Variants in ZNF385D observed in about 807,000 individuals in gnomAD.
ZNF385D encodes the protein zinc finger protein 659.
Under a neutral mutation model 35.8 loss-of-function variants are expected in ZNF385D, and 15 were observed. The observed-to-expected ratio is 0.42, with a 90% CI of 0.28 to 0.64. The LOEUF (loss-of-function observed/expected upper bound fraction) is 0.64. ZNF385D is among the 30% of genes least tolerant of loss of function. The pLI is 0.23. For missense variants in ZNF385D, 474 were observed against 494.6 expected (o/e 0.96, Z 0.39); for synonymous variants, 212 against 186.8 (o/e 1.13, Z -1.10).
At chr3:21,817,450 T>C (rs1329208670) in intron 3 of ZNF385D, among the ~76,000 whole-genome samples, 1 of 152,132 alleles carries the variant, frequency 6.6e-6, no homozygotes, top group Non-Finnish European at 1.5e-5. Flanking sequence ...AAAGGGCTAA[T>C]ATCCAGAATC....
chr3:22,105,579 G>C (rs1702164583), intron 3 of ZNF385D, among the ~76,000 whole-genome samples: 1 of 152,134 alleles, frequency 6.6e-6, no homozygotes, highest in Non-Finnish European at 1.5e-5. Context: ...GAAAGCCAGA[G>C]AGCTGATGGT....
At chr3:22,025,175 G>A (rs927154389) in intron 3 of ZNF385D, among the ~76,000 whole-genome samples, 1 of 152,152 alleles carries the variant, frequency 6.6e-6, no homozygotes, top group African/African-American at 2.4e-5. Context: ...ATCCCCAGTA[G>A]TGGCAACATA....
intron 2 of ZNF385D, among the ~76,000 whole-genome samples, chr3:21,641,565 A>C (rs546152224): frequency 6.6e-6 from 1 of 150,592 alleles, no homozygotes; most frequent in Admixed American, 6.6e-5. Flanking sequence ...CTATTAACAC[A>C]TATCACCAAC....
chr3:21,482,947 C>A, intron 4 of ZNF385D, among the ~76,000 whole-genome samples: 1 of 152,104 alleles, frequency 6.6e-6, no homozygotes, highest in East Asian at 1.9e-4. Flanking sequence ...ACAAAATTAC[C>A]AAAACCAGAA....
chr3:22,151,949 T>G (rs916620375), intron 3 of ZNF385D, among the ~76,000 whole-genome samples: 2 of 152,274 alleles, frequency 1.3e-5, no homozygotes, highest in Non-Finnish European at 2.9e-5. Context: ...ATTTAATCAC[T>G]CAGGCACTAA....
At chr3:21,446,937 A>T (rs1430168233) in intron 4 of ZNF385D, among the ~76,000 whole-genome samples, 1 of 151,970 alleles carries the variant, frequency 6.6e-6, no homozygotes. Flanking sequence ...TTTCTTTTGT[A>T]AGAATAAACT....
At chr3:22,078,263 T>C (rs916673116) in intron 3 of ZNF385D, among the ~76,000 whole-genome samples, 4 of 152,022 alleles carry the variant, frequency 2.6e-5, no homozygotes, top group Admixed American at 2.6e-4. Context: ...TTGGTGTCTA[T>C]ATTTTGAGAA....
intron 4 of ZNF385D, among the ~76,000 whole-genome samples, chr3:21,484,405 G>A (rs897062207): frequency 2.0e-5 from 3 of 152,178 alleles, no homozygotes; most frequent in African/African-American, 4.8e-5. Context: ...GCACAAGCTG[G>A]GCATCTTTCG....
At chr3:22,220,262 A>G (rs1698172506) in intron 2 of ZNF385D, among the ~76,000 whole-genome samples, 1 of 151,902 alleles carries the variant, frequency 6.6e-6, no homozygotes, top group African/African-American at 2.4e-5. Flanking sequence ...ACAAGATCTC[A>G]CTATGTTGCC....
chr3:22,177,520 C>G (rs1694915861), intron 2 of ZNF385D, among the ~76,000 whole-genome samples: 1 of 152,176 alleles, frequency 6.6e-6, no homozygotes, highest in South Asian at 2.1e-4. Context: ...TCACATCACA[C>G]AATACCCTAG....
At chr3:21,783,895 G>A (rs933193202) in intron 3 of ZNF385D, among the ~76,000 whole-genome samples, 6 of 152,072 alleles carry the variant, frequency 3.9e-5, no homozygotes, top group Admixed American at 2.6e-4. Context: ...TATCTTGATC[G>A]ACACCCACTT....
chr3:22,023,541 T>A (rs1383094), intron 3 of ZNF385D, among the ~76,000 whole-genome samples: 3 of 152,102 alleles, frequency 2.0e-5, no homozygotes, highest in African/African-American at 7.3e-5. Flanking sequence ...GTTACAATGC[T>A]TCTTCCCTCT....
intron 3 of ZNF385D, among the ~76,000 whole-genome samples, chr3:22,131,314 A>G (rs1337841649): frequency 6.6e-6 from 1 of 152,116 alleles, no homozygotes; most frequent in Admixed American, 6.6e-5. Flanking sequence ...GGTGACCTTA[A>G]AAAGAAGAGT....
At chr3:21,428,778 A>G (rs371799224) in intron 5 of ZNF385D, among the ~76,000 whole-genome samples, 1 of 151,800 alleles carries the variant, frequency 6.6e-6, no homozygotes. Flanking sequence ...CTGAGGAGAG[A>G]CTCTGCAAGG....
At chr3:22,113,779 T>TA (rs1352333326) in intron 3 of ZNF385D, among the ~76,000 whole-genome samples, 1 of 152,042 alleles carries the variant, frequency 6.6e-6, no homozygotes, top group African/African-American at 2.4e-5. Flanking sequence ...AGTCAGGAGA[T>TA]AAAGTCTCTT....
intron 2 of ZNF385D, among the ~76,000 whole-genome samples, chr3:22,300,450 T>A (rs1377037118): frequency 6.6e-6 from 1 of 150,902 alleles, no homozygotes; most frequent in African/African-American, 2.4e-5. Flanking sequence ...TGAGATGATA[T>A]CAAAGTAAAA....
chr3:21,572,717 A>G (rs1016441929), intron 2 of ZNF385D, among the ~76,000 whole-genome samples: 4 of 152,190 alleles, frequency 2.6e-5, no homozygotes, highest in Admixed American at 6.6e-5. Context: ...TGAGTGAGAA[A>G]AGGTACTACA....
chr3:21,888,650 A>T (rs557710025), intron 3 of ZNF385D, among the ~76,000 whole-genome samples: 20 of 152,330 alleles, frequency 1.3e-4, no homozygotes, highest in East Asian at 9.6e-4. Flanking sequence ...AGCTTGGCTA[A>T]AAAGGAAACA....
chr3:22,283,321 G>C (rs1018678885), intron 2 of ZNF385D, among the ~76,000 whole-genome samples: 3 of 151,998 alleles, frequency 2.0e-5, no homozygotes, highest in Admixed American at 1.3e-4. Context: ...CTAAACCCTA[G>C]AACAAATGGA....
Sources: gnomAD v4.1 joint callset for allele counts (sites outside exome capture counted in the v4.1 genomes callset) on GRCh38, gnomAD v4.1.1 for gene constraint, MANE v1.5 for transcripts, NCBI Gene and HGNC (gene_info 2026-07-23, HGNC 2026-07-21) for gene names.